Variants in PLXDC2 observed in about 807,000 individuals in gnomAD.
PLXDC2 encodes plexin domain containing 2.
Under a neutral mutation model 68.9 loss-of-function variants are expected in PLXDC2, and 40 were observed. That is an observed-to-expected ratio of 0.58 (90% CI 0.45 to 0.76). The LOEUF (loss-of-function observed/expected upper bound fraction) is 0.76. Ranked by LOEUF, PLXDC2 falls within the 30% of genes least tolerant of loss-of-function variation. The pLI is 0.00. For missense variants in PLXDC2, 644 were observed against 661.9 expected, an observed-to-expected ratio of 0.97 and a Z score of 0.30; for synonymous variants, 243 against 234.2, an observed-to-expected ratio of 1.04 and a Z score of -0.34.
At chr10:20,045,396 C>T (rs1461811052) in intron 2 of PLXDC2, among the ~76,000 whole-genome samples, 1 of 152,124 alleles carries the variant, frequency 6.6e-6, no homozygotes, top group Non-Finnish European at 1.5e-5. Context: ...ATCTCAAATT[C>T]CTAACCTCAG....
chr10:19,847,996 C>T (rs1020920736), intron 1 of PLXDC2, among the ~76,000 whole-genome samples: 1 of 152,120 alleles, frequency 6.6e-6, no homozygotes, highest in African/African-American at 2.4e-5. Flanking sequence ...ACAAAATAGT[C>T]CCCTACCCAA....
At chr10:20,207,870 G>A (rs1393096731) in intron 9 of PLXDC2, among the ~76,000 whole-genome samples, 5 of 151,628 alleles carry the variant, frequency 3.3e-5, no homozygotes, top group African/African-American at 4.8e-5. Context: ...GAGAATGAGA[G>A]ATTGTCTTCT....
At chr10:19,887,243 A>C (rs1382511783) in intron 1 of PLXDC2, among the ~76,000 whole-genome samples, 1 of 152,224 alleles carries the variant, frequency 6.6e-6, no homozygotes, top group Middle Eastern at 3.2e-3. Context: ...AAAATAGGCC[A>C]GGCACAGTGG....
chr10:20,249,174 A>G (rs1019728818), intron 13 of PLXDC2, among the ~76,000 whole-genome samples: 36 of 152,110 alleles, frequency 2.4e-4, no homozygotes, highest in African/African-American at 8.0e-4. Context: ...TAATGTTTGT[A>G]TTCTATTCTA....
chr10:19,896,606 T>C (rs1200711821), intron 1 of PLXDC2, among the ~76,000 whole-genome samples: 1 of 152,214 alleles, frequency 6.6e-6, no homozygotes, highest in Admixed American at 6.5e-5. Context: ...TAGGCAGATT[T>C]CTACCTTTGA....
intron 1 of PLXDC2, among the ~76,000 whole-genome samples, chr10:19,911,652 T>A (rs78594588): frequency 0.081 from 12,276 of 152,160 alleles, 619 homozygotes; most frequent in Non-Finnish European, 0.11. Context: ...CCCAGAGAAA[T>A]GAAATAACCT....
chr10:19,958,579 A>G (rs576082171), intron 1 of PLXDC2, among the ~76,000 whole-genome samples: 28 of 152,010 alleles, frequency 1.8e-4, no homozygotes, highest in African/African-American at 6.5e-4. Flanking sequence ...TTGGAACTGC[A>G]TGTAAAATAT....
chr10:20,250,592 G>T (rs971498141), intron 13 of PLXDC2, among the ~76,000 whole-genome samples: 1 of 152,184 alleles, frequency 6.6e-6, no homozygotes, highest in Non-Finnish European at 1.5e-5. Context: ...GTGGAGTCAG[G>T]ATTTAAGCCC....
chr10:19,818,227 GGTGTGTGTGTGTGTGTGTGTGTGT>G (rs749435110), intron 1 of PLXDC2, among the ~76,000 whole-genome samples: 9 of 137,522 alleles, frequency 6.5e-5, no homozygotes, highest in Non-Finnish European at 1.4e-4. Flanking sequence ...GTTCTTTTCT[GGTGTGTGTGTGTGTGTGTGTGTGT>G]GTGTGTGTGT....
intron 4 of PLXDC2, among the ~76,000 whole-genome samples, chr10:20,101,795 C>CTTTT (rs78761647): frequency 6.3e-4 from 94 of 149,354 alleles, no homozygotes; most frequent in African/African-American, 1.5e-3. Flanking sequence ...TTTTACCAAA[C>CTTTT]TTTTTTTTTT....
intron 4 of PLXDC2, among the ~76,000 whole-genome samples, chr10:20,123,125 G>A (rs1833722844): frequency 1.3e-5 from 2 of 152,318 alleles, no homozygotes; most frequent in South Asian, 4.1e-4. Flanking sequence ...GCCGGACCAG[G>A]TGTGAGGAGG....
At chr10:20,204,387 G>T (rs529477677) in intron 9 of PLXDC2, among the ~76,000 whole-genome samples, 2 of 152,158 alleles carry the variant, frequency 1.3e-5, no homozygotes, top group Admixed American at 1.3e-4. Context: ...AATCACTGCT[G>T]TTTATCATCT....
intron 7 of PLXDC2, among the ~76,000 whole-genome samples, chr10:20,175,182 A>G (rs901306977): frequency 3.3e-5 from 5 of 152,210 alleles, no homozygotes; most frequent in Non-Finnish European, 2.9e-5. Context: ...TGTATTGAGC[A>G]TTTACAATGT....
intron 6 of PLXDC2, among the ~76,000 whole-genome samples, chr10:20,154,251 T>G (rs559154538): frequency 1.7e-4 from 26 of 152,242 alleles, no homozygotes. Context: ...ACAAGGAAAC[T>G]AACAATTCTC....
rs142879078 is a variant in PLXDC2 at position 19,899,837 on chromosome 10, A to G, written c.112+82646A>G. On this transcript the variant is annotated intron_variant, in intron 1 of 13. Transcript: ENST00000377252. The stretch of plus-strand genomic sequence containing the variant: ...TGATATGAAATGGGTTAATTTGAGT[A>G]TTTTTTATTAATCTGGCTCACCTGT... Among the ~76,000 whole-genome samples, 63 of 152,240 alleles carry G rather than the reference A, an allele frequency of 4.1e-4. No individual in the cohort carries two copies. In the East Asian group the frequency reaches 0.012, roughly 28 times the overall value.
intron 9 of PLXDC2, among the ~76,000 whole-genome samples, chr10:20,180,370 C>G (rs1834586861): frequency 6.6e-6 from 1 of 152,174 alleles, no homozygotes; most frequent in East Asian, 1.9e-4. Flanking sequence ...ATCGGTTTAA[C>G]TATGCCTCAT....
chr10:20,125,156 C>G (rs1247572818), intron 4 of PLXDC2, among the ~76,000 whole-genome samples: 8 of 152,016 alleles, frequency 5.3e-5, no homozygotes, highest in African/African-American at 9.7e-5. Context: ...AACCCCCTAC[C>G]CACACACCTG....
At chr10:19,817,318 T>A in intron 1 of PLXDC2, 127 bp downstream of exon 1, 1 of 783,872 alleles carries the variant, frequency 1.3e-6, no homozygotes, top group Non-Finnish European at 2.1e-6. Flanking sequence ...TGCAGTTGCT[T>A]TTCGGCTAAA....
intron 1 of PLXDC2, among the ~76,000 whole-genome samples, chr10:19,961,982 C>CT (rs1834160796): frequency 6.6e-6 from 1 of 152,056 alleles, no homozygotes; most frequent in Non-Finnish European, 1.5e-5. Context: ...TCTCCTATGC[C>CT]TTTTTTGAAA....
Sources: allele counts gnomAD v4.1 joint callset (sites outside exome capture counted in the v4.1 genomes callset), GRCh38; gene constraint gnomAD v4.1.1; transcripts MANE v1.5; gene names NCBI Gene and HGNC (gene_info 2026-07-23, HGNC 2026-07-21).